SERGEF: variants seen among roughly 807,000 people sequenced by gnomAD.
SERGEF encodes secretion-regulating guanine nucleotide exchange factor.
In SERGEF, 51 loss-of-function variants were observed where a neutral mutation model predicts 50.0. The ratio of observed to expected loss-of-function variants is 1.02; its 90% CI spans 0.81 to 1.29. The LOEUF is 1.29. SERGEF is among the 50% of genes most tolerant of loss of function. The pLI is 0.00. For synonymous variants in SERGEF, 205 were observed against 212.4 expected (o/e 0.97, Z 0.30); for missense variants, 521 against 557.0 (o/e 0.94, Z 0.65).
intron 10 of SERGEF, among the ~76,000 whole-genome samples, chr11:17,799,741 C>A (rs548232482): frequency 4.6e-5 from 7 of 152,218 alleles, no homozygotes; most frequent in African/African-American, 1.7e-4. Context: ...CACATGGGGA[C>A]GGATGACACA....
At chr11:18,005,516 G>A (rs1388827137) in intron 3 of SERGEF, among the ~76,000 whole-genome samples, 3 of 152,158 alleles carry the variant, frequency 2.0e-5, no homozygotes, top group Admixed American at 6.5e-5. Context: ...GAAGGCCAAC[G>A]CTAAAAAGCT....
chr11:17,985,808 T>C (rs1853582887), intron 8 of SERGEF, among the ~76,000 whole-genome samples: 1 of 152,210 alleles, frequency 6.6e-6, no homozygotes, highest in Non-Finnish European at 1.5e-5. Context: ...CCATGTGAAC[T>C]GCCTTAGCTA....
At chr11:17,992,269 T>C (rs1422773069) in intron 7 of SERGEF, among the ~76,000 whole-genome samples, 1 of 152,182 alleles carries the variant, frequency 6.6e-6, no homozygotes. Flanking sequence ...GAGTTAGATA[T>C]ATAGACACAC....
chr11:17,916,383 T>G (rs1852048822), intron 9 of SERGEF, among the ~76,000 whole-genome samples: 1 of 152,224 alleles, frequency 6.6e-6, no homozygotes, highest in Non-Finnish European at 1.5e-5. Flanking sequence ...AAATTGGCAT[T>G]TTGTGTTGGA....
chr11:17,924,815 GA>G (rs1852220274), intron 9 of SERGEF, among the ~76,000 whole-genome samples: 1 of 152,144 alleles, frequency 6.6e-6, no homozygotes, highest in African/African-American at 2.4e-5. Context: ...GTAGGTCTAT[GA>G]GTTGTAATAA....
At chr11:17,870,217 A>G (rs1460216618) in intron 10 of SERGEF, among the ~76,000 whole-genome samples, 2 of 152,220 alleles carry the variant, frequency 1.3e-5, no homozygotes, top group Non-Finnish European at 2.9e-5. Flanking sequence ...CTGTGAGTCA[A>G]TTAAACCTCT....
chr11:17,904,299 C>G (rs1851800172), intron 9 of SERGEF, among the ~76,000 whole-genome samples: 1 of 152,198 alleles, frequency 6.6e-6, no homozygotes, highest in African/African-American at 2.4e-5. Flanking sequence ...CCCTTTGCAG[C>G]AGCTAAAAGT....
chr11:17,925,070 GT>G (rs1223341504), intron 9 of SERGEF, among the ~76,000 whole-genome samples: 1 of 151,726 alleles, frequency 6.6e-6, no homozygotes, highest in Non-Finnish European at 1.5e-5. Flanking sequence ...TTTTTCTTTT[GT>G]TTTTTAAGCC....
At chr11:17,941,523 C>T (rs116574491) in intron 9 of SERGEF, among the ~76,000 whole-genome samples, 242 of 152,222 alleles carry the variant, frequency 1.6e-3, no homozygotes, top group African/African-American at 5.5e-3. Context: ...TTTTGTTTAT[C>T]GTCTATCCTT....
At chr11:17,988,483 T>G (rs1853644168) in intron 8 of SERGEF, 114 bp downstream of exon 8, 1 of 996,710 alleles carries the variant, frequency 1.0e-6, no homozygotes, top group Admixed American at 2.5e-5. Flanking sequence ...TATCCCCATC[T>G]CTGATCTTTA....
At chr11:17,850,728 GA>G (rs1446161280) in intron 10 of SERGEF, among the ~76,000 whole-genome samples, 1 of 152,108 alleles carries the variant, frequency 6.6e-6, no homozygotes, top group East Asian at 1.9e-4. Context: ...GGCTCCCTGG[GA>G]TATTTTCCCA....
chr11:17,931,657 C>A (rs1241393351), intron 9 of SERGEF, among the ~76,000 whole-genome samples: 2 of 152,194 alleles, frequency 1.3e-5, no homozygotes, highest in Non-Finnish European at 2.9e-5. Flanking sequence ...AAGGTGACTT[C>A]TGTGAGCACT....
intron 7 of SERGEF, among the ~76,000 whole-genome samples, chr11:17,990,126 C>T (rs1853683802): frequency 6.6e-6 from 1 of 152,164 alleles, no homozygotes; most frequent in Non-Finnish European, 1.5e-5. Context: ...GTATTGCTTG[C>T]CCTAGGGCAG....
At chr11:17,963,953 T>C (rs1853067191) in intron 8 of SERGEF, among the ~76,000 whole-genome samples, 1 of 151,920 alleles carries the variant, frequency 6.6e-6, no homozygotes, top group South Asian at 2.1e-4. Flanking sequence ...CTAGGATGCA[T>C]CAAGGCCTAA....
In SERGEF at chr11:18,012,985, T is replaced by G. The variant is rs192881652; in HGVS notation, c.26A>C (p.Glu9Ala). 4.8e-6 allele frequency: 7 copies of G among 1,462,614 alleles called. No homozygotes were observed. The highest frequency in any genetic ancestry group is 2.6e-5 in the South Asian group (2 of 75,880). 90.6% of individuals were successfully genotyped at this position (1,462,614 alleles called of 1,614,324 possible). The change falls in exon 1 of 11, where the codon GAG becomes GCG. Residue 9 changes from glutamate to alanine, a missense_variant. By Grantham distance (107) the Glu-to-Ala change is moderately radical (BLOSUM62 -1). Transcript: ENST00000265965. Reference sequence around the variant, plus strand: ...GAGCGCGGCCGCCGCGGGGGCGGCCTCCGAGGCGCTGGGCTCGCGCTCCAT... The same window carrying G: ...GAGCGCGGCCGCCGCGGGGGCGGCCGCCGAGGCGCTGGGCTCGCGCTCCAT... MEREPSASEAAPAAAALFA... is the reference protein window; with the variant it reads MEREPSASAAAPAAAALFA...
intron 8 of SERGEF, among the ~76,000 whole-genome samples, chr11:17,964,219 C>T (rs1853072095): frequency 6.6e-6 from 1 of 151,870 alleles, no homozygotes; most frequent in Admixed American, 6.6e-5. Context: ...ATCAAATAGT[C>T]AAATATAAAT....
At chr11:17,951,381 G>T (rs2133964378) in intron 9 of SERGEF, among the ~76,000 whole-genome samples, 1 of 152,272 alleles carries the variant, frequency 6.6e-6, no homozygotes, top group Non-Finnish European at 1.5e-5. Context: ...GAAAGGTTTT[G>T]AATGACCCAA....
intron 10 of SERGEF, among the ~76,000 whole-genome samples, chr11:17,840,762 A>G (rs1217737004): frequency 6.6e-6 from 1 of 152,220 alleles, no homozygotes; most frequent in African/African-American, 2.4e-5. Flanking sequence ...GCAGCTCAGC[A>G]TCCTAGAGAT....
chr11:17,960,019 A>T (rs1413456623), intron 8 of SERGEF, among the ~76,000 whole-genome samples: 3 of 152,060 alleles, frequency 2.0e-5, no homozygotes, highest in Non-Finnish European at 4.4e-5. Context: ...GCCTGTTCTC[A>T]GGCTCTCCTC....
Sources: allele counts gnomAD v4.1 joint callset (sites outside exome capture counted in the v4.1 genomes callset), GRCh38; gene constraint gnomAD v4.1.1; transcripts MANE v1.5; gene names NCBI Gene and HGNC (gene_info 2026-07-23, HGNC 2026-07-21).